Variants in ANKRD18A observed in about 807,000 individuals in gnomAD.
ANKRD18A encodes ankyrin repeat domain-containing protein 18A.
Under a neutral mutation model 110.6 loss-of-function variants are expected in ANKRD18A, and 72 were observed. The observed-to-expected ratio is 0.65, with a 90% confidence interval of 0.54 to 0.79. The LOEUF is 0.79. Among genes scored for constraint, ANKRD18A ranks in the 30% least tolerant of loss-of-function variants. The probability of loss-of-function intolerance (pLI) is 0.00; values close to 1 mark genes in which losing one functional copy is unlikely to be tolerated. For synonymous variants in ANKRD18A, 305 were observed against 410.3 expected (o/e 0.74, Z 3.10); for missense variants, 934 against 1,163.3 (o/e 0.80, Z 2.87).
chr9:38,583,105 C>T (rs1824230648), intron 12 of ANKRD18A, among the ~76,000 whole-genome samples: 1 of 152,172 alleles, frequency 6.6e-6, no homozygotes, highest in South Asian at 2.1e-4. Flanking sequence ...TAAATCAAAA[C>T]CACCTTGTGG....
At position 38,620,404 on chromosome 9, in the gene ANKRD18A, C is replaced by G; in HGVS notation, c.-119G>C. Reference sequence around the variant, plus strand: ...CCCCCGCAACCCGCGATCCCCCCCGCAACCCGCGATCCACCCCCAAATCCA... The same window carrying G: ...CCCCCGCAACCCGCGATCCCCCCCGGAACCCGCGATCCACCCCCAAATCCA... On this transcript the variant is annotated 5_prime_UTR_variant, in exon 1 of 16. Transcript: ENST00000399703. 9.4e-7 allele frequency: 1 copy of G among 1,062,364 alleles called. No individual in the cohort carries two copies. The allele number at this position is 1,062,364 out of a possible 1,614,324, so 65.8% of individuals were successfully genotyped here. A position where few individuals can be genotyped will look rare whatever the true frequency, so the allele number is the denominator to read the frequency against.
intron 8 of ANKRD18A, among the ~76,000 whole-genome samples, chr9:38,597,958 A>G (rs4098308): frequency 0.034 from 5,161 of 152,282 alleles, 132 homozygotes; most frequent in African/African-American, 0.069. Context: ...ATGTGAAAGT[A>G]TGTGTATTTG....
chr9:38,573,623 G>A (rs1237319685), intron 15 of ANKRD18A, among the ~76,000 whole-genome samples: 4 of 151,908 alleles, frequency 2.6e-5, no homozygotes, highest in Non-Finnish European at 5.9e-5. Flanking sequence ...GCTGAGGCAG[G>A]AAAATGGCTT....
intron 10 of ANKRD18A, among the ~76,000 whole-genome samples, chr9:38,590,140 C>CCTTT (rs770888076): frequency 3.0e-4 from 45 of 151,920 alleles, no homozygotes; most frequent in African/African-American, 1.1e-3. Context: ...TTTGCTTTGT[C>CCTTT]CTTTCTTTTT....
intron 3 of ANKRD18A, among the ~76,000 whole-genome samples, chr9:38,611,674 C>G (rs2118874250): frequency 6.6e-6 from 1 of 152,076 alleles, no homozygotes; most frequent in Non-Finnish European, 1.5e-5. Context: ...TCTCTATAAC[C>G]CTAAAACCTA....
chr9:38,586,450 G>A, intron 11 of ANKRD18A, 138 bp from the exon 12 acceptor site: 1 of 712,814 alleles, frequency 1.4e-6, no homozygotes, highest in Middle Eastern at 4.1e-4. Flanking sequence ...ACTGAACATA[G>A]TTTGAAAGCA....
At chr9:38,595,394 A>G (rs141781269) in intron 9 of ANKRD18A, 92 bp downstream of exon 9, 26,105 of 1,155,348 alleles carry the variant, frequency 0.023, 527 homozygotes, top group African/African-American at 0.094. Flanking sequence ...ATTTTCATCT[A>G]TTTATTTGTA....
chr9:38,602,869 G>A lies in ANKRD18A; in HGVS notation c.862+290C>T, dbSNP rs1406977491. Among the ~76,000 whole-genome samples, 4 of 152,138 alleles carry A rather than the reference G, an allele frequency of 2.6e-5. No homozygotes were observed. The East Asian group carries it at 7.7e-4, about 29-fold the overall frequency. On this transcript the variant is annotated intron_variant, in intron 7 of 15. Transcript: ENST00000399703. ...TGAAAAAATAGTCACGGGGTCTGGC[G>A]ATGTTGCCCAGGCTGCTGGACCTCC... is the stretch of plus-strand genomic sequence containing the variant.
chr9:38,591,778 A>G (rs1345033600), intron 10 of ANKRD18A, among the ~76,000 whole-genome samples: 1 of 152,144 alleles, frequency 6.6e-6, no homozygotes, highest in Non-Finnish European at 1.5e-5. Flanking sequence ...TATGTACTAC[A>G]ATGGAAACAG....
In ANKRD18A at chr9:38,615,696, A is replaced by G; in HGVS notation, c.393T>C (p.Asp131=). The change falls in exon 3 of 16, where the codon GAT becomes GAC. Residue 131 remains aspartate, a synonymous_variant. Coordinates refer to ENST00000399703, the MANE Select transcript of ANKRD18A (RefSeq NM_147195.4). ...LECGANPNIE[D]IYGNTALHYA... ...AATGGAGAGCAGTGTTGCCGTAGATATCCTCAATGTTTGGATTGGCGCCAC... is the reference window on the plus strand; with the variant it reads ...AATGGAGAGCAGTGTTGCCGTAGATGTCCTCAATGTTTGGATTGGCGCCAC... 1 of 1,612,736 alleles carries G rather than the reference A, an allele frequency of 6.2e-7. No homozygotes were observed. The highest frequency in any genetic ancestry group is 8.5e-7 in the Non-Finnish European group (1 of 1,179,866).
chr9:38,569,041 G>C, downstream of ANKRD18A: 2 of 985,362 alleles, frequency 2.0e-6, no homozygotes, highest in Non-Finnish European at 2.4e-6. Context: ...GGGCTGCAGG[G>C]CAGCTGGCTG....
At position 38,620,559 on chromosome 9, in the gene ANKRD18A, G is replaced by GC; in HGVS notation, c.-275dup. 1.7e-6 allele frequency: 2 copies of GC among 1,205,018 alleles called. No individual in the cohort carries two copies. Among genetic ancestry groups the GC allele is most frequent in the Non-Finnish European group, 2.1e-6 (2 of 939,054 alleles). The allele number at this position is 1,205,018 out of a possible 1,614,324, so 74.6% of individuals were successfully genotyped here. On this transcript the variant is annotated 5_prime_UTR_variant, in exon 1 of 16. Transcript: ENST00000399703. ...TGAGCCCAGCTAAGCCGTTAGGCGC[G>GC]CGCCTGAACCTCAGCGCTCCGAACT...
chr9:38,604,806 T>G (rs1365926605), intron 6 of ANKRD18A: 2 of 144,144 alleles, frequency 1.4e-5, no homozygotes, highest in Non-Finnish European at 3.0e-5. Context: ...ATTTTTTTTT[T>G]GCACTAGTAA....
chr9:38,570,373 A>T (rs930040768), downstream of ANKRD18A, among the ~76,000 whole-genome samples: 6 of 152,130 alleles, frequency 3.9e-5, no homozygotes, highest in Non-Finnish European at 7.4e-5. Context: ...CCAGGCTCCA[A>T]GCCACTAAGG....
At chr9:38,587,466 T>A (rs1824435824) in intron 11 of ANKRD18A, among the ~76,000 whole-genome samples, 1 of 152,186 alleles carries the variant, frequency 6.6e-6, no homozygotes, top group African/African-American at 2.4e-5. Context: ...ATAAAATTTA[T>A]TTCTGTAAAA....
At chr9:38,578,927 C>T (rs1824032159) in intron 12 of ANKRD18A, among the ~76,000 whole-genome samples, 1 of 152,110 alleles carries the variant, frequency 6.6e-6, no homozygotes, top group Non-Finnish European at 1.5e-5. Flanking sequence ...GATTCTGATG[C>T]CATAAGCCTT....
At chr9:38,569,371 G>A, downstream of ANKRD18A, 2 of 985,388 alleles carry the variant, frequency 2.0e-6, no homozygotes, top group Non-Finnish European at 2.4e-6. Flanking sequence ...CCCAAGCCAG[G>A]AGGAAGAGAA....
At chr9:38,583,266 A>G (rs1301420242) in intron 12 of ANKRD18A, among the ~76,000 whole-genome samples, 1 of 152,252 alleles carries the variant, frequency 6.6e-6, no homozygotes, top group African/African-American at 2.4e-5. Flanking sequence ...TCAGCTCCTC[A>G]AAAGGTTAAG....
chr9:38,611,049 T>G (rs1168306565), intron 4 of ANKRD18A, among the ~76,000 whole-genome samples, 166 bp downstream of exon 4: 1 of 152,184 alleles, frequency 6.6e-6, no homozygotes, highest in African/African-American at 2.4e-5. Context: ...TTGTGTTGCT[T>G]AGTCCAAATA....
Sources: gnomAD v4.1 joint callset for allele counts (sites outside exome capture counted in the v4.1 genomes callset) on GRCh38, gnomAD v4.1.1 for gene constraint, MANE v1.5 for transcripts, NCBI Gene and HGNC (gene_info 2026-07-23, HGNC 2026-07-21) for gene names.